The following RGS7 variants were observed in gnomAD, a reference collection of about 807,000 sequenced individuals.
The protein encoded by RGS7 is regulator of G-protein signaling 7.
In RGS7, 27 loss-of-function variants were observed where a neutral mutation model predicts 81.1. The ratio of observed to expected loss-of-function variants is 0.33; its 90% CI spans 0.25 to 0.46. The LOEUF (loss-of-function observed/expected upper bound fraction) is 0.46, where lower values mean the gene tolerates loss of function less well. Among genes scored for constraint, RGS7 ranks in the 20% least tolerant of loss-of-function variants. The pLI is 1.00. For missense variants in RGS7, 396 were observed against 607.4 expected (o/e 0.65, Z 3.66); for synonymous variants, 208 against 207.7 (o/e 1.00, Z -0.01).
intron 6 of RGS7, among the ~76,000 whole-genome samples, chr1:240,902,563 A>G (rs1348116332): frequency 6.6e-6 from 1 of 152,160 alleles, no homozygotes; most frequent in East Asian, 1.9e-4. Context: ...TGTCCCTTCT[A>G]TTCAACTGCC....
intron 3 of RGS7, among the ~76,000 whole-genome samples, chr1:240,999,234 A>ATAT (rs145501494): frequency 4.4e-4 from 66 of 151,376 alleles, no homozygotes; most frequent in Admixed American, 2.2e-3. Flanking sequence ...TGCTTAAAGC[A>ATAT]TATTATTATT....
chr1:241,050,563 A>C (rs2061194200), intron 3 of RGS7, among the ~76,000 whole-genome samples: 1 of 152,114 alleles, frequency 6.6e-6, no homozygotes, highest in Admixed American at 6.6e-5. Flanking sequence ...CTTGATTCAT[A>C]ACTTTGAAGT....
intron 2 of RGS7, among the ~76,000 whole-genome samples, chr1:241,325,578 A>C (rs2081443922): frequency 6.6e-6 from 1 of 152,182 alleles, no homozygotes; most frequent in Admixed American, 6.5e-5. Context: ...ACTGACTTTC[A>C]CTAGGAAAGG....
chr1:241,279,894 T>A (rs1331933018), intron 2 of RGS7, among the ~76,000 whole-genome samples: 2 of 152,092 alleles, frequency 1.3e-5, no homozygotes, highest in African/African-American at 4.8e-5. Context: ...ATCAACAGTT[T>A]ATCCCTTTTT....
rs1048335936 is a variant in RGS7, at chr1:240,806,459, G to C, written c.1083-133C>G. 9 of 772,482 alleles carry C rather than the reference G, an allele frequency of 1.2e-5. No homozygotes were observed. In the Admixed American group the frequency reaches 1.3e-4, roughly 11 times the overall value. 47.9% of individuals were successfully genotyped at this position (772,482 alleles called of 1,614,324 possible). The stretch of plus-strand genomic sequence containing the variant: ...CTTTCTCTGAGGGCTTCCAGTATCA[G>C]GGTGGTACTGACTGTGTTCAAAGGA... On this transcript the variant is annotated intron_variant, in intron 14 of 18. Transcript: ENST00000440928.
chr1:241,266,887 T>G (rs2077619226), intron 2 of RGS7, among the ~76,000 whole-genome samples: 1 of 152,124 alleles, frequency 6.6e-6, no homozygotes, highest in African/African-American at 2.4e-5. Flanking sequence ...CCCTAAAACC[T>G]CCTCGGATTC....
chr1:241,137,673 A>G (rs1288882540), intron 2 of RGS7, among the ~76,000 whole-genome samples: 1 of 152,126 alleles, frequency 6.6e-6, no homozygotes, highest in Non-Finnish European at 1.5e-5. Flanking sequence ...TGATCCTTAA[A>G]TTTTCAGGAA....
intron 3 of RGS7, among the ~76,000 whole-genome samples, chr1:241,025,096 G>T (rs896379441): frequency 6.6e-6 from 1 of 152,114 alleles, no homozygotes; most frequent in Non-Finnish European, 1.5e-5. Flanking sequence ...AGCCACCCTT[G>T]GTAGAGAGAC....
At chr1:241,188,746 C>A (rs2072349260) in intron 2 of RGS7, among the ~76,000 whole-genome samples, 1 of 152,090 alleles carries the variant, frequency 6.6e-6, no homozygotes, top group African/African-American at 2.4e-5. Flanking sequence ...TATTGTGTGA[C>A]CTTAGGTAGT....
intron 2 of RGS7, among the ~76,000 whole-genome samples, chr1:241,218,241 A>C (rs1348613160): frequency 6.6e-6 from 1 of 152,176 alleles, no homozygotes; most frequent in South Asian, 2.1e-4. Flanking sequence ...ATGGAATTTA[A>C]TATGTAAAAT....
chr1:240,825,124 C>T (rs16840774), intron 10 of RGS7, among the ~76,000 whole-genome samples: 3,897 of 152,238 alleles, frequency 0.026, 165 homozygotes, highest in African/African-American at 0.088. Flanking sequence ...TATCCATGTA[C>T]AGACATTTAT....
chr1:241,090,756 GA>G (rs1488512174), intron 3 of RGS7, among the ~76,000 whole-genome samples: 1 of 152,162 alleles, frequency 6.6e-6, no homozygotes, highest in Non-Finnish European at 1.5e-5. Flanking sequence ...TTTTACAGGT[GA>G]AAAAACTATA....
At chr1:241,273,175 A>AACC (rs2078005904) in intron 2 of RGS7, among the ~76,000 whole-genome samples, 3 of 105,030 alleles carry the variant, frequency 2.9e-5, no homozygotes, top group Admixed American at 1.0e-4. Flanking sequence ...ATAATAATGA[A>AACC]CCCCCCCCCC....
rs1412281447 is a variant in RGS7, at chr1:241,327,762, T to G, written c.78+27937A>C. 5.3e-5 allele frequency among the ~76,000 whole-genome samples: 8 copies of G among 152,298 alleles called. No homozygotes were observed. The South Asian group carries it at 1.0e-3, about 20-fold the overall frequency. On this transcript the variant is annotated intron_variant, in intron 2 of 18. Coordinates refer to ENST00000440928, the MANE Select transcript of RGS7 (RefSeq NM_001364886.1). ...ATGTTAAGGTTTTATGACTATACAT[T>G]TACAGATGTTTTTTAAACTCTTATT...
chr1:241,300,107 C>G (rs7532620), intron 2 of RGS7, among the ~76,000 whole-genome samples: 5,527 of 151,378 alleles, frequency 0.037, 362 homozygotes, highest in African/African-American at 0.12. Context: ...AGAGCAAGAC[C>G]ATGTCTCAAA....
chr1:241,250,678 G>T (rs1455046326), intron 2 of RGS7, among the ~76,000 whole-genome samples: 1 of 152,110 alleles, frequency 6.6e-6, no homozygotes, highest in East Asian at 1.9e-4. Context: ...ATTGCACTAG[G>T]CCTCTTGACA....
chr1:240,969,859 C>T (rs1224778852), intron 4 of RGS7, among the ~76,000 whole-genome samples: 1 of 152,204 alleles, frequency 6.6e-6, no homozygotes, highest in Non-Finnish European at 1.5e-5. Flanking sequence ...GGTGACATCC[C>T]TCGCCTGGAG....
chr1:241,123,945 G>T (rs373703043), intron 2 of RGS7, among the ~76,000 whole-genome samples: 4 of 152,244 alleles, frequency 2.6e-5, no homozygotes, highest in African/African-American at 9.6e-5. Flanking sequence ...GTTCCCTTTG[G>T]CGAAAGTTTG....
intron 10 of RGS7, among the ~76,000 whole-genome samples, chr1:240,820,386 G>A (rs753199676): frequency 2.0e-5 from 3 of 151,838 alleles, no homozygotes; most frequent in Non-Finnish European, 2.9e-5. Context: ...AAATAGATTC[G>A]GCCTCCTACA....
Sources: gnomAD v4.1 joint callset for allele counts (sites outside exome capture counted in the v4.1 genomes callset) on GRCh38, gnomAD v4.1.1 for gene constraint, MANE v1.5 for transcripts, NCBI Gene and HGNC (gene_info 2026-07-23, HGNC 2026-07-21) for gene names.